The following CMIP variants were observed in gnomAD, a reference collection of about 807,000 sequenced individuals.
The protein encoded by CMIP is C-Maf-inducing protein.
CMIP carries 13 observed loss-of-function variants against 97.3 expected under a neutral mutation model. The observed-to-expected ratio is 0.13, with a 90% CI of 0.09 to 0.21. The LOEUF (loss-of-function observed/expected upper bound fraction) is 0.21. Ranked by LOEUF, CMIP falls within the 10% of genes least tolerant of loss-of-function variation. CMIP has a pLI of 1.00. For synonymous variants in CMIP, 538 were observed against 436.3 expected (o/e 1.23, Z -2.91); for missense variants, 847 against 1,024.9 (o/e 0.83, Z 2.37).
At chr16:81,564,773 A>G (rs1468762819) in intron 1 of CMIP, among the ~76,000 whole-genome samples, 5 of 152,210 alleles carry the variant, frequency 3.3e-5, no homozygotes, top group East Asian at 1.9e-4. Context: ...CGGGCACACA[A>G]TAGGTGTTCG....
chr16:81,637,663 G>C (rs764946505), intron 3 of CMIP, among the ~76,000 whole-genome samples: 6 of 152,166 alleles, frequency 3.9e-5, no homozygotes, highest in African/African-American at 1.2e-4. Context: ...AACATGGCTT[G>C]CTTGAGCCTC....
intron 1 of CMIP, among the ~76,000 whole-genome samples, chr16:81,569,372 C>T (rs989459582): frequency 3.9e-4 from 59 of 152,328 alleles, no homozygotes; most frequent in African/African-American, 1.4e-3. Context: ...GGCATCTGAA[C>T]CTAGGGTAAC....
chr16:81,506,748 A>C (rs141452407), intron 1 of CMIP, among the ~76,000 whole-genome samples: 504 of 152,234 alleles, frequency 3.3e-3, no homozygotes, highest in Non-Finnish European at 5.5e-3. Flanking sequence ...CCCCGTCTCT[A>C]CTAAAAATTA....
intron 3 of CMIP, among the ~76,000 whole-genome samples, chr16:81,632,867 G>C (rs539823546): frequency 2.6e-5 from 4 of 152,192 alleles, no homozygotes; most frequent in Non-Finnish European, 5.9e-5. Flanking sequence ...GGACATTCAA[G>C]ACACCCCCAC....
intron 1 of CMIP, among the ~76,000 whole-genome samples, chr16:81,557,478 G>A (rs1207965551): frequency 6.6e-6 from 1 of 152,110 alleles, no homozygotes; most frequent in Non-Finnish European, 1.5e-5. Context: ...TATTTATGGA[G>A]TATAATGTGA....
chr16:81,652,152 G>T lies in CMIP; in HGVS notation c.478-51G>T. 2 of 1,452,720 alleles carry T rather than the reference G, an allele frequency of 1.4e-6. No homozygotes were observed. Among genetic ancestry groups the T allele is most frequent in the Middle Eastern group, 1.8e-4 (1 of 5,616 alleles). 90.0% of individuals were successfully genotyped at this position (1,452,720 alleles called of 1,614,324 possible). A position where few individuals can be genotyped will look rare whatever the true frequency, so the allele number is the denominator to read the frequency against. ...ATTCTTTGATTGTCTTCCATCTTCT[G>T]CCTTCCTTACGTGAGTAACATGTTG... is the stretch of plus-strand genomic sequence containing the variant. On this transcript the variant is annotated intron_variant, in intron 3 of 20. Coordinates refer to ENST00000537098, the MANE Select transcript of CMIP (RefSeq NM_198390.3). This position sits in a 1 kb window ranked among gnomAD's most constrained non-coding sequence, Gnocchi z 5.2.
chr16:81,598,995 A>C (rs1229982176), intron 1 of CMIP, among the ~76,000 whole-genome samples: 1 of 148,968 alleles, frequency 6.7e-6, no homozygotes, highest in Non-Finnish European at 1.5e-5. Context: ...AAAAAAGAGT[A>C]GTAACCTTTT....
Position 81,573,062 on chromosome 16 carries a change from G to C in CMIP, c.301-34505G>C, listed in dbSNP as rs79592106. The stretch of plus-strand genomic sequence containing the variant: ...GTGACATTACAAAAATGCACCTTTA[G>C]ACCAGGTGCAGTAGCTCATGCCTGT... On this transcript the variant is annotated intron_variant, in intron 1 of 20. Coordinates refer to ENST00000537098, the MANE Select transcript of CMIP (RefSeq NM_198390.3). Among the ~76,000 whole-genome samples, 16 of 152,364 alleles carry C rather than the reference G, an allele frequency of 1.1e-4. No homozygotes were observed. The East Asian group carries it at 3.1e-3, about 29-fold the overall frequency.
At chr16:81,631,807 C>T (rs988123145) in intron 3 of CMIP, 2 of 152,240 alleles carry the variant, frequency 1.3e-5, no homozygotes, top group Non-Finnish European at 2.9e-5. Flanking sequence ...TGTGTGTCCA[C>T]AGTCCTGTTG....
intron 3 of CMIP, chr16:81,631,122 AAG>A (rs2092152265): frequency 6.6e-6 from 1 of 152,382 alleles, no homozygotes; most frequent in Non-Finnish European, 1.5e-5. Context: ...AGCATTGGGA[AAG>A]AGAGCTCATG....
intron 1 of CMIP, among the ~76,000 whole-genome samples, chr16:81,514,967 G>A (rs2089884770): frequency 6.6e-6 from 1 of 152,216 alleles, no homozygotes; most frequent in African/African-American, 2.4e-5. Context: ...ACTCCCCTGA[G>A]CATCGTTGTT....
At chr16:81,674,941 T>C (rs1054514316) in intron 9 of CMIP, among the ~76,000 whole-genome samples, 4 of 152,032 alleles carry the variant, frequency 2.6e-5, no homozygotes, top group Non-Finnish European at 5.9e-5. Flanking sequence ...CAGCGTACTT[T>C]GGGTTATATG....
chr16:81,445,594 G>T, intron 1 of CMIP, 53 bp downstream of exon 1: 1 of 1,504,972 alleles, frequency 6.6e-7, no homozygotes, highest in Non-Finnish European at 8.9e-7. Context: ...CCCGAGATGC[G>T]CCCTCCCTGG....
intron 1 of CMIP, among the ~76,000 whole-genome samples, chr16:81,592,095 A>G (rs2091475102): frequency 6.6e-6 from 1 of 152,056 alleles, no homozygotes; most frequent in Non-Finnish European, 1.5e-5. Flanking sequence ...AAGTGCCGGG[A>G]TTACAGGCAT....
At chr16:81,542,888 T>C (rs1474273185) in intron 1 of CMIP, among the ~76,000 whole-genome samples, 1 of 152,086 alleles carries the variant, frequency 6.6e-6, no homozygotes, top group Non-Finnish European at 1.5e-5. Flanking sequence ...AAACATACAA[T>C]CCATAGCACC....
intron 1 of CMIP, among the ~76,000 whole-genome samples, chr16:81,507,987 A>C (rs1353887096): frequency 6.6e-6 from 1 of 152,162 alleles, no homozygotes; most frequent in Non-Finnish European, 1.5e-5. Context: ...CCAGGCTTTT[A>C]GTAGAGCCCA....
chr16:81,641,501 G>A (rs372512190), intron 3 of CMIP, among the ~76,000 whole-genome samples: 1 of 152,296 alleles, frequency 6.6e-6, no homozygotes, highest in South Asian at 2.1e-4. Flanking sequence ...AGCCAGGTAG[G>A]ATGTGGTACT....
chr16:81,457,469 G>A (rs866647138), intron 1 of CMIP, among the ~76,000 whole-genome samples: 82 of 152,148 alleles, frequency 5.4e-4, no homozygotes, highest in African/African-American at 1.9e-3. Context: ...CTAAATGAGT[G>A]CGTGTGGCAT....
At chr16:81,642,354 G>A (rs776810495) in intron 3 of CMIP, among the ~76,000 whole-genome samples, 53 of 152,190 alleles carry the variant, frequency 3.5e-4, no homozygotes, top group Admixed American at 1.0e-3. Context: ...CAGAGTAGGC[G>A]TCCCTCCACC....
Sources: gnomAD v4.1 joint callset for allele counts (sites outside exome capture counted in the v4.1 genomes callset) on GRCh38, gnomAD v4.1.1 for gene constraint, Gnocchi (gnomAD v3.1) non-coding constraint, MANE v1.5 for transcripts, NCBI Gene and HGNC (gene_info 2026-07-23, HGNC 2026-07-21) for gene names.